The following RALGAPA2 variants were observed in gnomAD, a reference collection of about 807,000 sequenced individuals.
RALGAPA2 encodes ral GTPase-activating protein subunit alpha-2.
A neutral mutation model predicts 230.4 loss-of-function variants in RALGAPA2; 139 were observed. The observed-to-expected ratio is 0.60, with a 90% CI of 0.53 to 0.69. The LOEUF is 0.69. RALGAPA2 is among the 30% of genes least tolerant of loss of function. The pLI is 0.00. For missense variants in RALGAPA2, 2,163 were observed against 2,276.0 expected, an observed-to-expected ratio of 0.95 and a Z score of 1.01; for synonymous variants, 847 against 837.8, an observed-to-expected ratio of 1.01 and a Z score of -0.19.
intron 3 of RALGAPA2, among the ~76,000 whole-genome samples, chr20:20,669,680 C>T (rs578199882): frequency 7.7e-4 from 118 of 152,320 alleles, no homozygotes; most frequent in Non-Finnish European, 1.4e-3. Context: ...CTGTCTCTGT[C>T]GCTCCCTTTC....
chr20:20,390,700 AT>A lies in RALGAPA2; in HGVS notation c.*2588del, dbSNP rs2059589225. Reference sequence around the variant, plus strand: ...ATTTGCTTTTCTAAGTAAAAAAAAAATAAAAAAGAAACTTGATCATTGCAAT... The same window carrying A: ...ATTTGCTTTTCTAAGTAAAAAAAAAAAAAAAAGAAACTTGATCATTGCAAT... On this transcript the variant is annotated 3_prime_UTR_variant, in exon 40 of 40. Transcript: ENST00000202677. The A allele has an allele frequency of 2.0e-5, 3 of 152,218 alleles. No homozygotes were observed. In the South Asian group the frequency reaches 6.2e-4, roughly 32 times the overall value. 9.4% of individuals were successfully genotyped at this position (152,218 alleles called of 1,614,324 possible). A position where few individuals can be genotyped will look rare whatever the true frequency, so the allele number is the denominator to read the frequency against.
chr20:20,610,432 A>G (rs1164296509), intron 14 of RALGAPA2, among the ~76,000 whole-genome samples: 1 of 152,064 alleles, frequency 6.6e-6, no homozygotes, highest in African/African-American at 2.4e-5. Context: ...TGCTCACCAC[A>G]TGAGATGCAA....
At chr20:20,693,679 C>G (rs1476605395) in intron 1 of RALGAPA2, among the ~76,000 whole-genome samples, 1 of 152,174 alleles carries the variant, frequency 6.6e-6, no homozygotes, top group Non-Finnish European at 1.5e-5. Context: ...GCTTTGTATA[C>G]ATTGACTCAA....
chr20:20,671,776 C>G (rs2068142705), intron 3 of RALGAPA2, among the ~76,000 whole-genome samples: 1 of 152,106 alleles, frequency 6.6e-6, no homozygotes, highest in African/African-American at 2.4e-5. Flanking sequence ...GAGAAAGTAT[C>G]AAAACTTCTG....
At chr20:20,628,226 G>A (rs556971190) in intron 10 of RALGAPA2, among the ~76,000 whole-genome samples, 1 of 151,958 alleles carries the variant, frequency 6.6e-6, no homozygotes, top group Non-Finnish European at 1.5e-5. Flanking sequence ...AGAAGTGAGA[G>A]GGCCAAACAT....
chr20:20,616,284 A>C lies in RALGAPA2; in HGVS notation c.1540-93T>G, dbSNP rs757237727. 4.1e-6 allele frequency: 4 copies of C among 982,548 alleles called. No individual in the cohort carries two copies. In the Admixed American group the frequency reaches 1.1e-4, roughly 26 times the overall value. 60.9% of individuals were successfully genotyped at this position (982,548 alleles called of 1,614,324 possible). ...AGATATTAATTTCACTCTACCAATG[A>C]AATCATTTTTCAGTTATTTCCAAAA... is the stretch of plus-strand genomic sequence containing the variant. On this transcript the variant is annotated intron_variant, in intron 12 of 39. Transcript: ENST00000202677.
At chr20:20,646,095 C>G (rs1202602191) in intron 4 of RALGAPA2, among the ~76,000 whole-genome samples, 1 of 151,186 alleles carries the variant, frequency 6.6e-6, no homozygotes, top group Non-Finnish European at 1.5e-5. Context: ...CACTCTGTAG[C>G]CTAAACTGGA....
chr20:20,668,394 CTG>C (rs1221589988), intron 3 of RALGAPA2, among the ~76,000 whole-genome samples: 2 of 152,118 alleles, frequency 1.3e-5, no homozygotes, highest in Non-Finnish European at 2.9e-5. Context: ...CAGAGCGAGA[CTG>C]TGTCTCAAAA....
chr20:20,698,347 T>G (rs1250476872), intron 1 of RALGAPA2, among the ~76,000 whole-genome samples: 1 of 151,850 alleles, frequency 6.6e-6, no homozygotes, highest in Non-Finnish European at 1.5e-5. Flanking sequence ...CTCGGCTCAC[T>G]GCATCCTCCA....
chr20:20,485,728 T>C (rs1376101727), intron 36 of RALGAPA2, among the ~76,000 whole-genome samples: 1 of 152,238 alleles, frequency 6.6e-6, no homozygotes, highest in East Asian at 1.9e-4. Context: ...GTATTCCCAA[T>C]TCCTCCCTCC....
intron 20 of RALGAPA2, among the ~76,000 whole-genome samples, chr20:20,578,158 T>C (rs2064879156): frequency 6.6e-6 from 1 of 152,106 alleles, no homozygotes; most frequent in African/African-American, 2.4e-5. Flanking sequence ...CTGTATGAGT[T>C]TCCTCAGTAT....
intron 16 of RALGAPA2, among the ~76,000 whole-genome samples, chr20:20,598,419 T>C (rs1223727144): frequency 6.6e-6 from 1 of 152,202 alleles, no homozygotes; most frequent in Non-Finnish European, 1.5e-5. Context: ...CCCTATTAAA[T>C]AGCTATGGAC....
intron 37 of RALGAPA2, among the ~76,000 whole-genome samples, chr20:20,427,975 G>A (rs1216183089): frequency 2.0e-5 from 3 of 151,990 alleles, no homozygotes; most frequent in African/African-American, 7.3e-5. Context: ...AAGGAATTCA[G>A]GTTAAAAAGT....
intron 35 of RALGAPA2, 133 bp from the exon 36 acceptor site, chr20:20,495,408 G>T: frequency 3.1e-6 from 2 of 654,574 alleles, no homozygotes; most frequent in Non-Finnish European, 4.7e-6. Flanking sequence ...CAACATTGAT[G>T]TTCTTCTGTG....
rs544470941 is a variant in RALGAPA2 at position 20,475,420 on chromosome 20, C to A, written c.5368-2464G>T. 1.8e-4 allele frequency among the ~76,000 whole-genome samples: 28 copies of A among 152,254 alleles called. 1 individual carries two copies. In the South Asian group the frequency reaches 5.6e-3, roughly 30 times the overall value. ...GTTCATTTAACATTCATAAATCCAT[C>A]AGTGCAATTTATTTTTGCAATGTGC... On this transcript the variant is annotated intron_variant, in intron 36 of 39. Coordinates refer to ENST00000202677, the MANE Select transcript of RALGAPA2 (RefSeq NM_020343.4).
intron 1 of RALGAPA2, among the ~76,000 whole-genome samples, chr20:20,681,324 C>A (rs2068514191): frequency 6.6e-6 from 1 of 152,228 alleles, no homozygotes; most frequent in South Asian, 2.1e-4. Context: ...TGCTCCCCAA[C>A]CACAAGCTTC....
chr20:20,551,875 A>C (rs1303821897), intron 23 of RALGAPA2, among the ~76,000 whole-genome samples: 1 of 152,208 alleles, frequency 6.6e-6, no homozygotes, highest in Non-Finnish European at 1.5e-5. Context: ...ACAAAATGAA[A>C]ATTTAAAAGG....
In RALGAPA2 at chr20:20,458,439, TATTAC is replaced by T. The variant is rs1483286864; in HGVS notation, c.5495+14385_5495+14389del. 1.4e-3 allele frequency among the ~76,000 whole-genome samples: 203 copies of T among 140,686 alleles called. 6 individuals carry two copies. Among genetic ancestry groups the T allele is most frequent in the East Asian group, 0.012 (56 of 4,768 alleles). The allele number at this position is 140,686 out of a possible 152,430, so 92.3% of individuals were successfully genotyped here. A position where few individuals can be genotyped will look rare whatever the true frequency, so the allele number is the denominator to read the frequency against. On this transcript the variant is annotated intron_variant, in intron 37 of 39. Coordinates refer to ENST00000202677, the MANE Select transcript of RALGAPA2 (RefSeq NM_020343.4). ...ATATATAATATATATGTATTTTTTATATTACATATAATACATATGTATTTTATATA... is the reference window on the plus strand; with the variant it reads ...ATATATAATATATATGTATTTTTTATATATAATACATATGTATTTTATATA...
At chr20:20,528,634 C>T (rs1443660658) in intron 27 of RALGAPA2, among the ~76,000 whole-genome samples, 1 of 152,138 alleles carries the variant, frequency 6.6e-6, no homozygotes, top group African/African-American at 2.4e-5. Flanking sequence ...ACCACCTCCC[C>T]CAACCACCCC....
Sources: allele counts gnomAD v4.1 joint callset (sites outside exome capture counted in the v4.1 genomes callset), GRCh38; gene constraint gnomAD v4.1.1; transcripts MANE v1.5; gene names NCBI Gene and HGNC (gene_info 2026-07-23, HGNC 2026-07-21).